FAM216B: variants seen among roughly 807,000 people sequenced by gnomAD.
FAM216B encodes family with sequence similarity 216 member B, also known as protein FAM216B.
Under a neutral mutation model 12.9 loss-of-function variants are expected in FAM216B, and 11 were observed. That is an observed-to-expected ratio of 0.86 (90% CI 0.54 to 1.42). The LOEUF is 1.42. FAM216B is among the 40% of genes most tolerant of loss of function. FAM216B has a pLI of 0.00. For missense variants in FAM216B, 167 were observed against 162.9 expected (o/e 1.02, Z -0.14); for synonymous variants, 52 against 57.2 (o/e 0.91, Z 0.41).
intron 2 of FAM216B, among the ~76,000 whole-genome samples, chr13:42,785,889 AG>A (rs1874066091): frequency 6.6e-6 from 1 of 152,144 alleles, no homozygotes; most frequent in African/African-American, 2.4e-5. Context: ...AGCACATCCC[AG>A]GCCTCTACTC....
chr13:42,787,491 C>T (rs1006306621), intron 3 of FAM216B, among the ~76,000 whole-genome samples: 8 of 152,148 alleles, frequency 5.3e-5, no homozygotes, highest in African/African-American at 1.9e-4. Flanking sequence ...TTCTTTCAAC[C>T]TCTTTAGATT....
chr13:42,786,659 G>T, intron 2 of FAM216B, 104 bp from the exon 3 acceptor site: 1 of 1,344,446 alleles, frequency 7.4e-7, no homozygotes. Context: ...CATATGGTTA[G>T]CAAGAAAAGC....
In FAM216B at chr13:42,788,932, A is replaced by G. The variant is rs2138037794; in HGVS notation, c.*142A>G. On this transcript the variant is annotated 3_prime_UTR_variant, in exon 4 of 4. Coordinates refer to ENST00000313851, the MANE Select transcript of FAM216B (RefSeq NM_001318932.2). ...TAAAAATAATCTCTGATTCATATAA[A>G]TTTTGCCAGCAAGACCAAGAGGTTT... 2.2e-6 allele frequency: 2 copies of G among 915,310 alleles called. No individual in the cohort carries two copies. The highest frequency in any genetic ancestry group is 3.1e-6 in the Non-Finnish European group (2 of 641,726). 56.7% of individuals were successfully genotyped at this position (915,310 alleles called of 1,614,324 possible).
chr13:42,786,823 C>T lies in FAM216B; in HGVS notation c.160C>T (p.Pro54Ser). 6.2e-7 allele frequency: 1 copy of T among 1,614,044 alleles called. No homozygotes were observed. The highest frequency in any genetic ancestry group is 8.5e-7 in the Non-Finnish European group (1 of 1,179,954). ...CATTATGAGGATTTACAACTCCAGG[C>T]CCCAGTGGGAGGCCCTGCAGACCCG... ...YSIMRIYNSR[P>S]QWEALQTRYI... Residue 54 changes from proline (P) to serine (S), a missense_variant, in exon 3 of 4, where the codon CCC becomes TCC. Coordinates refer to ENST00000313851, the MANE Select transcript of FAM216B (RefSeq NM_001318932.2).
chr13:42,783,943 C>A (rs1873955606), intron 1 of FAM216B, 111 bp from the exon 2 acceptor site: 6 of 616,726 alleles, frequency 9.7e-6, no homozygotes, highest in Non-Finnish European at 1.7e-5. Flanking sequence ...TCCCTTAGAA[C>A]AAATTACATT....
rs1268889475 is a variant in FAM216B at position 42,784,116 on chromosome 13, CT to C, written c.51del (p.Pro18LeufsTer15). ...RQQKLWNVPQ[L>X]PFIRVPPSIY... ...ACAAAAGCTTTGGAATGTTCCACAA[CT>C]TCCTTTTATTCGAGTTCCTCCCTCC... On this transcript the variant is annotated frameshift_variant, in exon 2 of 4. Transcript: ENST00000313851. LOFTEE classifies it high-confidence loss of function. 1.3e-6 allele frequency: 2 copies of C among 1,580,148 alleles called. No individual in the cohort carries two copies. The highest frequency in any genetic ancestry group is 2.8e-5 in the African/African-American group (2 of 71,040).
At chr13:42,787,603 A>G (rs1874140483) in intron 3 of FAM216B, among the ~76,000 whole-genome samples, 1 of 152,232 alleles carries the variant, frequency 6.6e-6, no homozygotes, top group South Asian at 2.1e-4. Context: ...TTCTTGCAGG[A>G]AATGCTTTCA....
chr13:42,786,221 G>A (rs1874081212), intron 2 of FAM216B, among the ~76,000 whole-genome samples: 1 of 152,100 alleles, frequency 6.6e-6, no homozygotes, highest in African/African-American at 2.4e-5. Flanking sequence ...GTCCCTTAAG[G>A]AAACTCCTCA....
Position 42,784,143 on chromosome 13 carries a change from A to C in FAM216B, c.76A>C (p.Ile26Leu). Reference protein sequence around the residue: ...QLPFIRVPPSIYDTSLLKALN... With the variant: ...QLPFIRVPPSLYDTSLLKALN... ...TCCTTTTATTCGAGTTCCTCCCTCC[A>C]TCTATGACACTTCCTTACTAAAGGT... The change falls in exon 2 of 4, where the codon ATC becomes CTC. Residue 26 changes from isoleucine (I) to leucine (L), a missense_variant. Coordinates refer to ENST00000313851, the MANE Select transcript of FAM216B (RefSeq NM_001318932.2). The C allele has an allele frequency of 6.4e-7, 1 of 1,567,456 alleles. No individual in the cohort carries two copies. Among genetic ancestry groups the C allele is most frequent in the Non-Finnish European group, 8.7e-7 (1 of 1,153,812 alleles).
At position 42,791,072 on chromosome 13, in the gene FAM216B, A is replaced by G. The variant is rs968881837; in HGVS notation, c.*2282A>G. ...CACTGGAAAGAATTTGAAAACAATA[A>G]TAAAGCTGACTACAAGTTGGTCTAT... is the stretch of plus-strand genomic sequence containing the variant. On this transcript the variant is annotated 3_prime_UTR_variant, in exon 4 of 4. Transcript: ENST00000313851. 1 of 152,206 alleles carries G rather than the reference A, an allele frequency of 6.6e-6. No individual in the cohort carries two copies. The highest frequency in any genetic ancestry group is 2.4e-5 in the African/African-American group (1 of 41,446). The allele number at this position is 152,206 out of a possible 1,614,324, so 9.4% of individuals were successfully genotyped here.
At chr13:42,786,532 A>AT (rs1168340214) in intron 2 of FAM216B, among the ~76,000 whole-genome samples, 1 of 151,972 alleles carries the variant, frequency 6.6e-6, no homozygotes, top group African/African-American at 2.4e-5. Flanking sequence ...ATTACCTAGA[A>AT]TTTTTTACTC....
intron 2 of FAM216B, 104 bp from the exon 3 acceptor site, chr13:42,786,659 G>A: frequency 7.4e-7 from 1 of 1,344,458 alleles, no homozygotes; most frequent in Non-Finnish European, 9.9e-7. Context: ...CATATGGTTA[G>A]CAAGAAAAGC....
chr13:42,783,697 A>G (rs539077918), intron 1 of FAM216B, among the ~76,000 whole-genome samples: 1 of 152,242 alleles, frequency 6.6e-6, no homozygotes, highest in East Asian at 1.9e-4. Context: ...TACTTTTAGA[A>G]TCAGATATGA....
At chr13:42,788,396 G>A (rs959096203) in intron 3 of FAM216B, among the ~76,000 whole-genome samples, 195 bp from the exon 4 acceptor site, 1 of 152,046 alleles carries the variant, frequency 6.6e-6, no homozygotes, top group African/African-American at 2.4e-5. Flanking sequence ...ACGACCAAGT[G>A]TTTATTAACT....
At chr13:42,787,157 A>G (rs958857506) in intron 3 of FAM216B, among the ~76,000 whole-genome samples, 1 of 152,208 alleles carries the variant, frequency 6.6e-6, no homozygotes. Context: ...AAGTAAATCA[A>G]TGGGTCTGGG....
chr13:42,787,021 A>G (rs1874119678), intron 3 of FAM216B, 138 bp downstream of exon 3: 1 of 1,311,964 alleles, frequency 7.6e-7, no homozygotes, highest in African/African-American at 1.5e-5. Flanking sequence ...TGGTTAGCCA[A>G]GTTTCAAAGT....
chr13:42,786,763 G>C lies in FAM216B; in HGVS notation c.100G>C (p.Ala34Pro). The stretch of plus-strand genomic sequence containing the variant: ...AAAATCACCTGTTCTGTTCCAACAG[G>C]CCCTCAACCAAGGGCAACAGCGCTA... ...PSIYDTSLLK[A>P]LNQGQQRYFY... The change falls in exon 3 of 4, where the codon GCC (alanine) becomes CCC (proline). Residue 34 changes from alanine to proline, a missense_variant and splice_region_variant. Physicochemically the swap from Ala to Pro is conservative, Grantham distance 27. Coordinates refer to ENST00000313851, the MANE Select transcript of FAM216B (RefSeq NM_001318932.2). 1 of 1,613,768 alleles carries C rather than the reference G, an allele frequency of 6.2e-7. No homozygotes were observed. Among genetic ancestry groups the C allele is most frequent in the Non-Finnish European group, 8.5e-7 (1 of 1,179,864 alleles).
Position 42,791,492 on chromosome 13 carries a change from GT to G in FAM216B, c.*2708del, listed in dbSNP as rs931344065. ...TTTTGATTCTATGTGGCAGTTTAGA[GT>G]TTTTTAAAACAATTTTTATGTATAA... On this transcript the variant is annotated 3_prime_UTR_variant, in exon 4 of 4. Coordinates refer to ENST00000313851, the MANE Select transcript of FAM216B (RefSeq NM_001318932.2). The G allele has an allele frequency of 7.9e-5, 12 of 152,066 alleles. No homozygotes were observed. Among genetic ancestry groups the G allele is most frequent in the Non-Finnish European group, 1.6e-4 (11 of 67,996 alleles). 9.4% of individuals were successfully genotyped at this position (152,066 alleles called of 1,614,324 possible).
Position 42,790,844 on chromosome 13 carries a change from C to T in FAM216B, c.*2054C>T, listed in dbSNP as rs1203188489. The T allele has an allele frequency of 6.6e-6, 1 of 152,152 alleles. No individual in the cohort carries two copies. The highest frequency in any genetic ancestry group is 1.5e-5 in the Non-Finnish European group (1 of 68,024). The allele number at this position is 152,152 out of a possible 1,614,324, so 9.4% of individuals were successfully genotyped here. A position where few individuals can be genotyped will look rare whatever the true frequency, so the allele number is the denominator to read the frequency against. On this transcript the variant is annotated 3_prime_UTR_variant, in exon 4 of 4. Transcript: ENST00000313851. ...AAATTGCTAGCACCTAGAATGGCCC[C>T]CGGTTGCGGTAGGCAATCAATAATA...
Sources: allele counts gnomAD v4.1 joint callset (sites outside exome capture counted in the v4.1 genomes callset), GRCh38; gene constraint gnomAD v4.1.1; transcripts MANE v1.5; gene names NCBI Gene and HGNC (gene_info 2026-07-23, HGNC 2026-07-21).